Variants in KCTD8 observed in about 807,000 individuals in gnomAD.
The protein encoded by KCTD8 is BTB/POZ domain-containing protein KCTD8.
Under a neutral mutation model 31.5 loss-of-function variants are expected in KCTD8, and 27 were observed. The ratio of observed to expected loss-of-function variants is 0.86; its 90% confidence interval spans 0.63 to 1.18. The LOEUF (loss-of-function observed/expected upper bound fraction) is 1.18. KCTD8 is among the 50% of genes most tolerant of loss of function. KCTD8 has a pLI of 0.00. For missense variants in KCTD8, 658 were observed against 647.7 expected (o/e 1.02, Z -0.17); for synonymous variants, 290 against 280.0 (o/e 1.04, Z -0.36).
At chr4:44,181,322 T>C (rs989539603) in intron 1 of KCTD8, among the ~76,000 whole-genome samples, 1 of 152,038 alleles carries the variant, frequency 6.6e-6, no homozygotes, top group African/African-American at 2.4e-5. Flanking sequence ...GCTGCTGCCA[T>C]CTCTGCTTAC....
intron 1 of KCTD8, among the ~76,000 whole-genome samples, chr4:44,329,854 T>C (rs1560427735): frequency 6.6e-6 from 1 of 151,988 alleles, no homozygotes; most frequent in Non-Finnish European, 1.5e-5. Flanking sequence ...ATATCTATTT[T>C]AAATTTGATC....
At chr4:44,239,036 T>C (rs1253149359) in intron 1 of KCTD8, among the ~76,000 whole-genome samples, 4 of 152,146 alleles carry the variant, frequency 2.6e-5, no homozygotes, top group Non-Finnish European at 4.4e-5. Flanking sequence ...TTCTACAAAT[T>C]GCTAGTCACG....
At chr4:44,200,399 A>C (rs1714104488) in intron 1 of KCTD8, among the ~76,000 whole-genome samples, 1 of 152,058 alleles carries the variant, frequency 6.6e-6, no homozygotes, top group Non-Finnish European at 1.5e-5. Flanking sequence ...ACTGACACAA[A>C]AATCCTCAAC....
chr4:44,375,181 G>A (rs531855197), intron 1 of KCTD8, among the ~76,000 whole-genome samples: 1 of 152,244 alleles, frequency 6.6e-6, no homozygotes, highest in African/African-American at 2.4e-5. Context: ...GTCAGACAAT[G>A]TGGCCAGTAG....
chr4:44,365,212 T>C (rs1222290747), intron 1 of KCTD8, among the ~76,000 whole-genome samples: 2 of 152,154 alleles, frequency 1.3e-5, no homozygotes, highest in African/African-American at 2.4e-5. Flanking sequence ...ACAATGTTTC[T>C]GTAAACCTAT....
chr4:44,235,290 G>A (rs1426756898), intron 1 of KCTD8, among the ~76,000 whole-genome samples: 1 of 149,758 alleles, frequency 6.7e-6, no homozygotes, highest in African/African-American at 2.4e-5. Context: ...AACAGTTGAA[G>A]GTCAGTCACC....
intron 1 of KCTD8, among the ~76,000 whole-genome samples, chr4:44,269,981 G>T (rs1263800049): frequency 2.0e-5 from 3 of 151,950 alleles, no homozygotes; most frequent in East Asian, 1.9e-4. Context: ...AAGTCAGTGT[G>T]GTGATTCCTC....
intron 1 of KCTD8, among the ~76,000 whole-genome samples, chr4:44,367,695 C>G (rs1719678031): frequency 6.6e-6 from 1 of 152,058 alleles, no homozygotes; most frequent in African/African-American, 2.4e-5. Context: ...GACAGTGTTT[C>G]TTTTGCTGAC....
intron 1 of KCTD8, among the ~76,000 whole-genome samples, chr4:44,268,270 T>G (rs1276094257): frequency 6.6e-6 from 1 of 151,862 alleles, no homozygotes; most frequent in African/African-American, 2.4e-5. Flanking sequence ...ATCCAGCATA[T>G]AAACAGAACC....
intron 1 of KCTD8, among the ~76,000 whole-genome samples, chr4:44,313,549 A>G (rs551852053): frequency 3.3e-4 from 51 of 152,310 alleles, no homozygotes; most frequent in Middle Eastern, 6.8e-3. Flanking sequence ...ATGATTAGCA[A>G]TGAGTAGATT....
intron 1 of KCTD8, among the ~76,000 whole-genome samples, chr4:44,260,153 C>A (rs190163205): frequency 6.7e-6 from 1 of 149,334 alleles, no homozygotes; most frequent in Admixed American, 6.7e-5. Context: ...GAAAAAAAAA[C>A]AATTATTAAA....
At chr4:44,367,064 T>G (rs766787472) in intron 1 of KCTD8, among the ~76,000 whole-genome samples, 3 of 152,160 alleles carry the variant, frequency 2.0e-5, no homozygotes, top group Non-Finnish European at 2.9e-5. Context: ...TAGTCTTCCT[T>G]CAGTCCCTCA....
Position 44,448,217 on chromosome 4 carries a change from C to T in KCTD8, c.307G>A (p.Gly103Ser). 1 of 1,612,160 alleles carries T rather than the reference C, an allele frequency of 6.2e-7. No homozygotes were observed. The highest frequency in any genetic ancestry group is 8.5e-7 in the Non-Finnish European group (1 of 1,179,604). ...TCCAGCACGTACCTGAAAAGGAAGCCGTCCCGGTCGATGAAGAAGCGCGCC... is the reference window on the plus strand; with the variant it reads ...TCCAGCACGTACCTGAAAAGGAAGCTGTCCCGGTCGATGAAGAAGCGCGCC... The part of the protein sequence containing the change: ...SRARFFIDRD[G>S]FLFRYVLDYL... Residue 103 changes from glycine to serine, a missense_variant, in exon 1 of 2, where the codon GGC (glycine) becomes AGC (serine). Coordinates refer to ENST00000360029, the MANE Select transcript of KCTD8 (RefSeq NM_198353.3). The surrounding 1 kb of genome is among the most constrained non-coding windows in gnomAD (Gnocchi z 4.1).
Position 44,448,421 on chromosome 4 carries a change from C to A in KCTD8, c.103G>T (p.Gly35Trp). 6.4e-7 allele frequency: 1 copy of A among 1,565,112 alleles called. No individual in the cohort carries two copies. Among genetic ancestry groups the A allele is most frequent in the East Asian group, 2.3e-5 (1 of 44,070 alleles). ...SPGASAAAAP[G>W]PCAPSPFPEV... ...GGGAAGGGCGAGGGTGCGCAGGGCC[C>A]CGGGGCGGCGGCGGCCGACGCGCCG... Residue 35 changes from glycine to tryptophan, a missense_variant, in exon 1 of 2, where the codon GGG becomes TGG. Transcript: ENST00000360029. The surrounding 1 kb of genome is among the most constrained non-coding windows in gnomAD (Gnocchi z 4.1).
intron 1 of KCTD8, among the ~76,000 whole-genome samples, chr4:44,402,499 C>T (rs9991985): frequency 1.3e-5 from 2 of 152,190 alleles, no homozygotes; most frequent in East Asian, 1.9e-4. Context: ...AGAAACAAGT[C>T]TACGGTAGTG....
At chr4:44,323,240 T>C (rs1399076417) in intron 1 of KCTD8, among the ~76,000 whole-genome samples, 2 of 151,958 alleles carry the variant, frequency 1.3e-5, no homozygotes, top group African/African-American at 2.4e-5. Flanking sequence ...ACACCTGTAA[T>C]CCTAGCACTT....
intron 1 of KCTD8, among the ~76,000 whole-genome samples, chr4:44,265,718 G>A (rs1716328221): frequency 6.6e-6 from 1 of 152,160 alleles, no homozygotes; most frequent in African/African-American, 2.4e-5. Flanking sequence ...GGAGCTGAAA[G>A]CCAAGGCTCG....
At chr4:44,256,898 T>C (rs978346252) in intron 1 of KCTD8, among the ~76,000 whole-genome samples, 1 of 152,046 alleles carries the variant, frequency 6.6e-6, no homozygotes, top group South Asian at 2.1e-4. Context: ...CCACTGAATC[T>C]GTGGTTATTT....
chr4:44,325,974 G>A (rs1045837901), intron 1 of KCTD8, among the ~76,000 whole-genome samples: 3 of 151,980 alleles, frequency 2.0e-5, no homozygotes, highest in African/African-American at 7.3e-5. Context: ...TCTTGAGACA[G>A]ACTTTCTGAA....
Sources: gnomAD v4.1 joint callset for allele counts (sites outside exome capture counted in the v4.1 genomes callset) on GRCh38, gnomAD v4.1.1 for gene constraint, Gnocchi (gnomAD v3.1) non-coding constraint, MANE v1.5 for transcripts, NCBI Gene and HGNC (gene_info 2026-07-23, HGNC 2026-07-21) for gene names.